Variants in RGS18 observed in about 807,000 individuals in gnomAD.
RGS18 encodes the protein regulator of G-protein signaling 18.
A neutral mutation model predicts 27.6 loss-of-function variants in RGS18; 22 were observed. The observed-to-expected ratio is 0.80, with a 90% CI of 0.57 to 1.14. The LOEUF is 1.14. RGS18 is among the 50% of genes most tolerant of loss of function. The probability of loss-of-function intolerance (pLI) is 0.00; values close to 1 mark genes in which losing one functional copy is unlikely to be tolerated. For synonymous variants in RGS18, 89 were observed against 84.6 expected (o/e 1.05, Z -0.29); for missense variants, 299 against 269.6 (o/e 1.11, Z -0.76).
chr1:192,181,492 G>T (rs1237120900), intron 4 of RGS18, 34 bp downstream of exon 4: 14 of 1,403,636 alleles, frequency 1.0e-5, no homozygotes, highest in Admixed American at 2.8e-5. Flanking sequence ...ATGCATAATT[G>T]CTTTCAAAAT....
At chr1:192,174,745 G>A (rs1057004538) in intron 3 of RGS18, among the ~76,000 whole-genome samples, 2 of 151,748 alleles carry the variant, frequency 1.3e-5, no homozygotes, top group African/African-American at 4.8e-5. Context: ...TCTGCACTGT[G>A]TAACATTTTT....
chr1:192,178,232 A>C (rs1366879857), intron 3 of RGS18, among the ~76,000 whole-genome samples: 2 of 151,614 alleles, frequency 1.3e-5, no homozygotes, highest in African/African-American at 2.4e-5. Flanking sequence ...TTAAATGGGA[A>C]ATGTATGCAG....
In RGS18 at chr1:192,184,802, G is replaced by A; in HGVS notation, c.*248G>A. The A allele has an allele frequency of 2.5e-6, 1 of 392,584 alleles. No individual in the cohort carries two copies. The highest frequency in any genetic ancestry group is 4.3e-5 in the South Asian group (1 of 23,052). The allele number at this position is 392,584 out of a possible 1,614,324, so 24.3% of individuals were successfully genotyped here. On this transcript the variant is annotated 3_prime_UTR_variant, in exon 5 of 5. Coordinates refer to ENST00000367460, the MANE Select transcript of RGS18 (RefSeq NM_130782.3). ...AAAAAACTTATTTCTTAATCAAAAG[G>A]CAGTACAAAAAAAGTAATAATGTTT... is the stretch of plus-strand genomic sequence containing the variant.
chr1:192,183,801 T>G (rs1269873604), intron 4 of RGS18, among the ~76,000 whole-genome samples: 2 of 151,650 alleles, frequency 1.3e-5, no homozygotes, highest in African/African-American at 4.8e-5. Context: ...AACAGAAATA[T>G]CTGAGCCTAG....
rs146647977 is a variant in RGS18, at chr1:192,183,787, A to T, written c.451-510A>T. Among the ~76,000 whole-genome samples, 72 of 151,782 alleles carry T rather than the reference A, an allele frequency of 4.7e-4. No individual in the cohort carries two copies. The East Asian group carries it at 9.6e-3, about 20-fold the overall frequency. On this transcript the variant is annotated intron_variant, in intron 4 of 4. Coordinates refer to ENST00000367460, the MANE Select transcript of RGS18 (RefSeq NM_130782.3). ...AGAATAATGTTTTTGATACATGCTA[A>T]AAAAACAGAAATATCTGAGCCTAGG...
intron 4 of RGS18, among the ~76,000 whole-genome samples, chr1:192,184,095 C>T (rs1656501319): frequency 6.6e-6 from 1 of 151,582 alleles, no homozygotes; most frequent in South Asian, 2.1e-4. Context: ...CCCCCATGAT[C>T]CAATAACTGC....
At chr1:192,174,254 G>A (rs1388975573) in intron 3 of RGS18, among the ~76,000 whole-genome samples, 5 of 151,504 alleles carry the variant, frequency 3.3e-5, no homozygotes, top group South Asian at 4.2e-4. Flanking sequence ...TTTTATCTAT[G>A]TTACTAGTGT....
intron 3 of RGS18, among the ~76,000 whole-genome samples, chr1:192,162,300 T>C (rs1354662136): frequency 6.6e-6 from 1 of 152,094 alleles, no homozygotes; most frequent in East Asian, 1.9e-4. Flanking sequence ...TTGTTTGTTG[T>C]TTTGTTTTGT....
At chr1:192,182,153 G>C (rs1453523549) in intron 4 of RGS18, among the ~76,000 whole-genome samples, 1 of 151,562 alleles carries the variant, frequency 6.6e-6, no homozygotes, top group African/African-American at 2.4e-5. Flanking sequence ...CAATAAACAT[G>C]GGAGTGTAGA....
intron 2 of RGS18, among the ~76,000 whole-genome samples, chr1:192,159,657 C>A (rs1396513948): frequency 6.6e-6 from 1 of 152,070 alleles, no homozygotes; most frequent in East Asian, 1.9e-4. Context: ...GAGAGATATT[C>A]ATCTCTTTCT....
intron 3 of RGS18, among the ~76,000 whole-genome samples, chr1:192,167,285 T>TCTTATACTTTTC (rs748302720): frequency 9.2e-5 from 14 of 152,158 alleles, no homozygotes; most frequent in Non-Finnish European, 1.8e-4. Flanking sequence ...GAGTACTTTT[T>TCTTATACTTTTC]CTTATACTTT....
Position 192,185,144 on chromosome 1 carries a change from T to A in RGS18, c.*590T>A, listed in dbSNP as rs948581986. 29 of 152,596 alleles carry A rather than the reference T, an allele frequency of 1.9e-4. No homozygotes were observed. The highest frequency in any genetic ancestry group is 6.3e-4 in the African/African-American group (26 of 41,470). 9.5% of individuals were successfully genotyped at this position (152,596 alleles called of 1,614,324 possible). ...CAACAGGAACTTTTGTGAAGACACA[T>A]TCATCTCTACAGAACTTCAGATTAA... On this transcript the variant is annotated 3_prime_UTR_variant, in exon 5 of 5. Coordinates refer to ENST00000367460, the MANE Select transcript of RGS18 (RefSeq NM_130782.3).
chr1:192,162,744 A>G (rs965336548), intron 3 of RGS18, among the ~76,000 whole-genome samples: 2 of 152,092 alleles, frequency 1.3e-5, no homozygotes, highest in Admixed American at 6.6e-5. Context: ...TCCATAATTC[A>G]TGTCCCCCAA....
intron 3 of RGS18, among the ~76,000 whole-genome samples, chr1:192,174,251 T>C: frequency 6.6e-6 from 1 of 151,814 alleles, no homozygotes; most frequent in East Asian, 1.9e-4. Flanking sequence ...TGTTTTTATC[T>C]ATGTTACTAG....
Position 192,184,490 on chromosome 1 carries a change from G to C in RGS18, c.644G>C (p.Arg215Pro). The C allele has an allele frequency of 7.4e-6, 12 of 1,611,448 alleles. No individual in the cohort carries two copies. The highest frequency in any genetic ancestry group is 1.0e-5 in the Non-Finnish European group (12 of 1,178,332). Reference sequence around the variant, plus strand: ...CAGAGACCAACAAATCTTAGGAGACGATCACGCTCATTTACCTGCAATGAA... The same window carrying C: ...CAGAGACCAACAAATCTTAGGAGACCATCACGCTCATTTACCTGCAATGAA... Reference protein sequence around the residue: ...RPQRPTNLRRRSRSFTCNEFQ... With the variant: ...RPQRPTNLRRPSRSFTCNEFQ... Residue 215 changes from arginine to proline, a missense_variant, in exon 5 of 5, where the codon CGA becomes CCA. Arg to Pro is a moderately radical substitution (Grantham distance 103). Transcript: ENST00000367460.
intron 3 of RGS18, chr1:192,163,212 A>G (rs1014510109): frequency 6.6e-6 from 1 of 152,198 alleles, no homozygotes; most frequent in African/African-American, 2.4e-5. Flanking sequence ...CAGAAATGTC[A>G]ATGATTGCTG....
At chr1:192,165,753 A>G (rs1656153481) in intron 3 of RGS18, among the ~76,000 whole-genome samples, 1 of 152,220 alleles carries the variant, frequency 6.6e-6, no homozygotes, top group Non-Finnish European at 1.5e-5. Context: ...AATGTTACAT[A>G]GTAAATTTTA....
rs1047200584 is a variant in RGS18, at chr1:192,160,999, G to A, written c.283+560G>A. Among the ~76,000 whole-genome samples the A allele has an allele frequency of 3.5e-4, 53 of 152,058 alleles. 2 individuals carry two copies. The highest frequency in any genetic ancestry group is 1.3e-3 in the African/African-American group (52 of 41,478). On this transcript the variant is annotated intron_variant, in intron 3 of 4. Coordinates refer to ENST00000367460, the MANE Select transcript of RGS18 (RefSeq NM_130782.3). ...CGAGTAGCTGGGACTACAGGCTCCC[G>A]CCACCACGCCCGGCTAATTTTTTTG...
intron 3 of RGS18, 158 bp downstream of exon 3, chr1:192,160,597 C>G (rs1242561329): frequency 2.1e-6 from 1 of 475,348 alleles, no homozygotes; most frequent in African/African-American, 2.0e-5. Flanking sequence ...ATAGAAAAGT[C>G]AAATAATGGA....
Sources: allele counts gnomAD v4.1 joint callset (sites outside exome capture counted in the v4.1 genomes callset), GRCh38; gene constraint gnomAD v4.1.1; transcripts MANE v1.5; gene names NCBI Gene and HGNC (gene_info 2026-07-23, HGNC 2026-07-21).